The following CDH18 variants were observed in gnomAD, a reference collection of about 807,000 sequenced individuals.
CDH18 encodes cadherin-18.
In CDH18, 31 loss-of-function variants were observed where a neutral mutation model predicts 67.9. That is an observed-to-expected ratio of 0.46 (90% confidence interval 0.34 to 0.62). CDH18 has a LOEUF of 0.62. Among genes scored for constraint, CDH18 ranks in the 20% least tolerant of loss-of-function variants. CDH18 has a pLI of 0.01. For synonymous variants in CDH18, 362 were observed against 347.2 expected, an observed-to-expected ratio of 1.04 and a Z score of -0.48; for missense variants, 890 against 975.5, an observed-to-expected ratio of 0.91 and a Z score of 1.17.
At chr5:20,341,332 C>T (rs961872775) in intron 1 of CDH18, among the ~76,000 whole-genome samples, 1 of 152,026 alleles carries the variant, frequency 6.6e-6, no homozygotes, top group South Asian at 2.1e-4. Flanking sequence ...ACAGGCCTAG[C>T]CTCCCAGCCT....
intron 2 of CDH18, among the ~76,000 whole-genome samples, chr5:19,848,620 G>C (rs114928661): frequency 0.013 from 1,950 of 152,040 alleles, 38 homozygotes; most frequent in African/African-American, 0.045. Context: ...AGTGGGTTGA[G>C]AAGTGTATAA....
chr5:19,568,311 G>A (rs1163948141), intron 8 of CDH18, among the ~76,000 whole-genome samples: 2 of 152,140 alleles, frequency 1.3e-5, no homozygotes, highest in Non-Finnish European at 2.9e-5. Flanking sequence ...AACTTCTGGA[G>A]GTGATTATGA....
chr5:20,280,164 GA>G (rs1363951033), intron 1 of CDH18, among the ~76,000 whole-genome samples: 7 of 151,580 alleles, frequency 4.6e-5, no homozygotes, highest in East Asian at 1.9e-4. Context: ...ATTGAAAGAA[GA>G]AAAAAACTTT....
chr5:20,011,914 T>C (rs1737473454), intron 2 of CDH18, among the ~76,000 whole-genome samples: 2 of 152,080 alleles, frequency 1.3e-5, no homozygotes, highest in Non-Finnish European at 2.9e-5. Context: ...TGTGTTGTAT[T>C]TCTGCCAGGT....
intron 12 of CDH18, among the ~76,000 whole-genome samples, chr5:19,481,888 G>A (rs1446711049): frequency 6.6e-6 from 1 of 152,048 alleles, no homozygotes; most frequent in African/African-American, 2.4e-5. Context: ...TTGGACACAG[G>A]TCCCCACTTG....
intron 2 of CDH18, among the ~76,000 whole-genome samples, chr5:20,224,291 A>G (rs1181812378): frequency 2.6e-5 from 4 of 152,118 alleles, no homozygotes; most frequent in Non-Finnish European, 4.4e-5. Context: ...TTTCATGATA[A>G]TAGAAAACCC....
rs75736292 is a variant in CDH18, at chr5:20,225,920, G to A, written c.-518+29524C>T. Among the ~76,000 whole-genome samples, 861 of 152,072 alleles carry A rather than the reference G, an allele frequency of 5.7e-3. 10 individuals carry two copies. The highest frequency in any genetic ancestry group is 0.02 in the African/African-American group (825 of 41,516). On this transcript the variant is annotated intron_variant, in intron 2 of 14. Coordinates refer to the CDH18 transcript ENST00000507958. ...ATGAATGTTCTAATTGTAAATGGACGGATGACTATGGGACCTGTTTATGAT... is the reference window on the plus strand; with the variant it reads ...ATGAATGTTCTAATTGTAAATGGACAGATGACTATGGGACCTGTTTATGAT...
At chr5:20,427,242 A>G (rs1034239359) in intron 1 of CDH18, among the ~76,000 whole-genome samples, 2 of 151,234 alleles carry the variant, frequency 1.3e-5, no homozygotes, top group Non-Finnish European at 2.9e-5. Flanking sequence ...TGCTCTATTT[A>G]TACTGAATTC....
intron 2 of CDH18, among the ~76,000 whole-genome samples, chr5:19,915,530 T>A (rs1221453883): frequency 6.6e-6 from 1 of 152,168 alleles, no homozygotes; most frequent in Admixed American, 6.6e-5. Context: ...TTCCTGATAA[T>A]TTAACCAGTA....
intron 1 of CDH18, among the ~76,000 whole-genome samples, chr5:20,471,833 T>TAAAAAAAAAAAAAAAAAA (rs70954659): frequency 1.9e-5 from 1 of 51,486 alleles, no homozygotes; most frequent in African/African-American, 6.5e-5. Flanking sequence ...AGATTCAGTC[T>TAAAAAAAAAAAAAAAAAA]AAAAAAAAAA....
intron 3 of CDH18, among the ~76,000 whole-genome samples, chr5:19,783,755 AT>A (rs1775386739): frequency 6.6e-6 from 1 of 152,172 alleles, no homozygotes; most frequent in African/African-American, 2.4e-5. Flanking sequence ...CATTAATACA[AT>A]GTCTGACATT....
intron 3 of CDH18, among the ~76,000 whole-genome samples, chr5:19,837,259 G>C (rs1781762592): frequency 6.6e-6 from 1 of 152,152 alleles, no homozygotes; most frequent in East Asian, 1.9e-4. Context: ...GGGCCTGTCT[G>C]GGGTTGGGGG....
chr5:20,526,330 C>T (rs1756057178), intron 1 of CDH18, among the ~76,000 whole-genome samples: 1 of 152,074 alleles, frequency 6.6e-6, no homozygotes, highest in South Asian at 2.1e-4. Context: ...CTAATCTTTC[C>T]TGCCTGCTGA....
At chr5:19,920,444 C>G (rs1027411969) in intron 2 of CDH18, among the ~76,000 whole-genome samples, 3 of 151,516 alleles carry the variant, frequency 2.0e-5, no homozygotes, top group Non-Finnish European at 2.9e-5. Context: ...CACCAATTAT[C>G]CGATTTGCAT....
chr5:20,227,669 T>C (rs1365372222), intron 2 of CDH18, among the ~76,000 whole-genome samples: 3 of 152,052 alleles, frequency 2.0e-5, no homozygotes, highest in Non-Finnish European at 2.9e-5. Flanking sequence ...TTTATTTTTG[T>C]AGAGACAGGG....
At chr5:20,479,448 A>AT (rs1252679037) in intron 1 of CDH18, among the ~76,000 whole-genome samples, 1 of 152,128 alleles carries the variant, frequency 6.6e-6, no homozygotes, top group Non-Finnish European at 1.5e-5. Context: ...TTATGCAGAC[A>AT]TTTTTTAAAT....
intron 5 of CDH18, among the ~76,000 whole-genome samples, chr5:19,665,545 T>C (rs1757787606): frequency 6.6e-6 from 1 of 152,078 alleles, no homozygotes; most frequent in African/African-American, 2.4e-5. Flanking sequence ...ATAGATTCCT[T>C]GCTATCAATT....
At chr5:19,561,842 C>T (rs1739514277) in intron 8 of CDH18, among the ~76,000 whole-genome samples, 1 of 152,094 alleles carries the variant, frequency 6.6e-6, no homozygotes, top group Non-Finnish European at 1.5e-5. Flanking sequence ...TCTTAGTCAT[C>T]TTTATGTCCC....
chr5:20,314,279 C>G (rs934742771), intron 1 of CDH18, among the ~76,000 whole-genome samples: 43 of 151,984 alleles, frequency 2.8e-4, no homozygotes, highest in African/African-American at 9.9e-4. Context: ...CTTAGGCTCA[C>G]TAAAGTCTGA....
Sources: allele counts gnomAD v4.1 joint callset (sites outside exome capture counted in the v4.1 genomes callset), GRCh38; gene constraint gnomAD v4.1.1; transcripts MANE v1.5; gene names NCBI Gene and HGNC (gene_info 2026-07-23, HGNC 2026-07-21).